NUP42: variants seen among roughly 807,000 people sequenced by gnomAD.
The protein encoded by NUP42 is nucleoporin NUP42.
Under a neutral mutation model 35.9 loss-of-function variants are expected in NUP42, and 47 were observed. The ratio of observed to expected loss-of-function variants is 1.31; its 90% confidence interval spans 1.04 to 1.67. The LOEUF (loss-of-function observed/expected upper bound fraction) is 1.67, where lower values mean the gene tolerates loss of function less well. Ranked by LOEUF, NUP42 falls within the 40% of genes most tolerant of loss-of-function variation. NUP42 has a pLI of 0.00. For synonymous variants in NUP42, 173 were observed against 173.3 expected (o/e 1.00, Z 0.01); for missense variants, 514 against 492.2 (o/e 1.04, Z -0.42).
chr7:23,193,702 C>G (rs1341200029), intron 3 of NUP42, among the ~76,000 whole-genome samples: 1 of 152,228 alleles, frequency 6.6e-6, no homozygotes, highest in East Asian at 1.9e-4. Context: ...ACAGGTGGAG[C>G]TACCCGCCAG....
intron 2 of NUP42, 56 bp downstream of exon 2, chr7:23,185,354 C>G: frequency 8.6e-7 from 1 of 1,167,702 alleles, no homozygotes. Context: ...TTTTCACCTA[C>G]AATCTTTGTT....
intron 3 of NUP42, 59 bp from the exon 4 acceptor site, chr7:23,195,780 C>G (rs1785990742): frequency 8.9e-7 from 1 of 1,117,838 alleles, no homozygotes; most frequent in Non-Finnish European, 1.3e-6. Context: ...GCACCTCTAG[C>G]TTTACTATCA....
chr7:23,200,827 G>A lies in NUP42; in HGVS notation c.*82G>A, dbSNP rs1786202278. The A allele has an allele frequency of 1.4e-6, 1 of 727,802 alleles. No individual in the cohort carries two copies. Among genetic ancestry groups the A allele is most frequent in the African/African-American group, 1.8e-5 (1 of 55,746 alleles). The allele number at this position is 727,802 out of a possible 1,614,324, so 45.1% of individuals were successfully genotyped here. On this transcript the variant is annotated 3_prime_UTR_variant, in exon 7 of 7. Transcript: ENST00000258742. The stretch of plus-strand genomic sequence containing the variant: ...TACAGAGATGTATATATGCATACAT[G>A]TATATATTCATAAGGAATATAAGCT...
At chr7:23,188,508 G>GC in intron 3 of NUP42, 1 of 985,370 alleles carries the variant, frequency 1.0e-6, no homozygotes, top group Non-Finnish European at 1.2e-6. Flanking sequence ...AATGCCTGTT[G>GC]CCCTAAAGCA....
intron 1 of NUP42, among the ~76,000 whole-genome samples, chr7:23,183,081 C>G (rs1168834059): frequency 2.0e-5 from 3 of 152,058 alleles, no homozygotes; most frequent in Non-Finnish European, 4.4e-5. Flanking sequence ...CCACGTTGAT[C>G]TAGTCCCTGG....
chr7:23,193,260 T>G (rs1371248658), intron 3 of NUP42, among the ~76,000 whole-genome samples: 1 of 152,210 alleles, frequency 6.6e-6, no homozygotes, highest in South Asian at 2.1e-4. Context: ...GAAGAGGAGC[T>G]GAGCGGGTTG....
Position 23,196,705 on chromosome 7 carries a change from A to T in NUP42, c.548A>T (p.Asn183Ile), listed in dbSNP as rs751114640. Residue 183 changes from asparagine to isoleucine, a missense_variant, in exon 5 of 7, where the codon AAT becomes ATT. Coordinates refer to ENST00000258742, the MANE Select transcript of NUP42 (RefSeq NM_007342.3). Reference sequence around the variant, plus strand: ...CTAAATTCTGTCCAACGTTTAATAAATCAATGGAGGAACAGGGTAAATGAA... The same window carrying T: ...CTAAATTCTGTCCAACGTTTAATAATTCAATGGAGGAACAGGGTAAATGAA... ...SYLNSVQRLI[N>I]QWRNRVNELK... 4 of 1,612,306 alleles carry T rather than the reference A, an allele frequency of 2.5e-6. No homozygotes were observed. The highest frequency in any genetic ancestry group is 3.3e-4 in the Middle Eastern group (2 of 6,064).
intron 1 of NUP42, 106 bp from the exon 2 acceptor site, chr7:23,184,964 C>A: frequency 1.1e-6 from 1 of 881,932 alleles, no homozygotes; most frequent in Non-Finnish European, 1.7e-6. Context: ...CAAGATCATG[C>A]CACTGTACTC....
chr7:23,199,104 T>G (rs1562611730), intron 5 of NUP42, among the ~76,000 whole-genome samples: 1 of 152,236 alleles, frequency 6.6e-6, no homozygotes, highest in Non-Finnish European at 1.5e-5. Context: ...TTGCCTTTTT[T>G]AATGCACTTT....
rs748387977 is a variant in NUP42, at chr7:23,200,749, G to C, written c.*4G>C. 2.6e-6 allele frequency: 4 copies of C among 1,540,114 alleles called. No individual in the cohort carries two copies. The highest frequency in any genetic ancestry group is 3.5e-6 in the Non-Finnish European group (4 of 1,146,796). ...TCTGGAACTTCTAAATGTTTAAAAG[G>C]GCAATTTTAAATACAAAAAAGAATG... On this transcript the variant is annotated 3_prime_UTR_variant, in exon 7 of 7. Coordinates refer to ENST00000258742, the MANE Select transcript of NUP42 (RefSeq NM_007342.3).
chr7:23,189,965 A>G (rs575058766), intron 3 of NUP42, among the ~76,000 whole-genome samples: 1 of 152,222 alleles, frequency 6.6e-6, no homozygotes, highest in East Asian at 1.9e-4. Context: ...GCCAATGTTT[A>G]GAAGTTCTGC....
At chr7:23,188,017 T>TA in intron 3 of NUP42, 1 of 1,163,162 alleles carries the variant, frequency 8.6e-7, no homozygotes, top group African/African-American at 1.6e-5. Flanking sequence ...ATTTTTATTT[T>TA]TTTTTTTGTC....
chr7:23,186,613 C>T (rs2128472726), intron 2 of NUP42, among the ~76,000 whole-genome samples: 1 of 152,168 alleles, frequency 6.6e-6, no homozygotes, highest in East Asian at 1.9e-4. Flanking sequence ...CTTTGTTCTT[C>T]CCAGTTAAAT....
chr7:23,197,151 G>T (rs539906310), intron 5 of NUP42: 29 of 1,211,106 alleles, frequency 2.4e-5, no homozygotes, highest in Non-Finnish European at 3.2e-5. Flanking sequence ...GAAGAACACA[G>T]TATGTTCCTT....
In NUP42 at chr7:23,185,081, C is replaced by T. The variant is rs757786096; in HGVS notation, c.133C>T (p.Arg45Cys). 6.5e-5 allele frequency: 105 copies of T among 1,612,034 alleles called. No homozygotes were observed. The Admixed American group carries it at 8.0e-4, about 12-fold the overall frequency. Residue 45 changes from arginine to cysteine, a missense_variant, in exon 2 of 7, where the codon CGT (arginine) becomes TGT (cysteine). Physicochemically the swap from Arg to Cys is radical, Grantham distance 180. Transcript: ENST00000258742. ...ATTGTTTATTTTAGGTAATAATAGACGTGGATGGAATACAACTAGCCAGAG... is the reference window on the plus strand; with the variant it reads ...ATTGTTTATTTTAGGTAATAATAGATGTGGATGGAATACAACTAGCCAGAG... The part of the protein sequence containing the change: ...PQQQPSGNNR[R>C]GWNTTSQRYS...
At position 23,200,149 on chromosome 7, in the gene NUP42, TTG is replaced by T; in HGVS notation, c.695-17_695-16del. ...TAATAGATTTTTGTTGTTTTTTTTG[TTG>T]TTGTTGTTGTTTGTAGGCTTTCCAG... On this transcript the variant is annotated splice_polypyrimidine_tract_variant and intron_variant, in intron 6 of 6. Transcript: ENST00000258742. 2.0e-6 allele frequency: 3 copies of T among 1,467,200 alleles called. No homozygotes were observed. The highest frequency in any genetic ancestry group is 1.3e-5 in the South Asian group (1 of 74,280). 90.9% of individuals were successfully genotyped at this position (1,467,200 alleles called of 1,614,324 possible).
chr7:23,199,092 C>T (rs1185953258), intron 5 of NUP42, among the ~76,000 whole-genome samples: 5 of 152,100 alleles, frequency 3.3e-5, no homozygotes, highest in African/African-American at 9.7e-5. Context: ...AAGCATTTAA[C>T]TTTGCCTTTT....
At chr7:23,198,883 C>T (rs541925528) in intron 5 of NUP42, among the ~76,000 whole-genome samples, 49 of 152,164 alleles carry the variant, frequency 3.2e-4, no homozygotes, top group Non-Finnish European at 6.3e-4. Context: ...ATAATATCTG[C>T]TCATTGTAGA....
intron 6 of NUP42, 91 bp downstream of exon 6, chr7:23,199,633 T>A: frequency 9.3e-7 from 1 of 1,077,316 alleles, no homozygotes. Context: ...CATTTTAAAT[T>A]ACCTTCGTAA....
Sources: gnomAD v4.1 joint callset for allele counts (sites outside exome capture counted in the v4.1 genomes callset) on GRCh38, gnomAD v4.1.1 for gene constraint, MANE v1.5 for transcripts, NCBI Gene and HGNC (gene_info 2026-07-23, HGNC 2026-07-21) for gene names.